Variants in WDR41 observed in about 807,000 individuals in gnomAD.
WDR41 encodes the protein WD repeat-containing protein 41.
A neutral mutation model predicts 69.3 loss-of-function variants in WDR41; 63 were observed. The ratio of observed to expected loss-of-function variants is 0.91; its 90% CI spans 0.74 to 1.12. WDR41 has a LOEUF of 1.12. Among genes scored for constraint, WDR41 ranks in the 50% most tolerant of loss-of-function variants. The pLI, the probability that WDR41 is intolerant of heterozygous loss-of-function variation, is 0.00. For missense variants in WDR41, 543 were observed against 534.5 expected (o/e 1.02, Z -0.16); for synonymous variants, 185 against 192.1 (o/e 0.96, Z 0.31).
intron 9 of WDR41, 121 bp downstream of exon 9, chr5:77,440,692 G>T: frequency 1.1e-6 from 1 of 922,916 alleles, no homozygotes; most frequent in Non-Finnish European, 1.6e-6. Context: ...CCATTTTAAA[G>T]CACAACCTGA....
At chr5:77,472,991 G>A (rs369623484) in intron 2 of WDR41, among the ~76,000 whole-genome samples, 3 of 152,294 alleles carry the variant, frequency 2.0e-5, no homozygotes, top group East Asian at 3.9e-4. Flanking sequence ...GAACCAAGCT[G>A]GAGGTATCAG....
intron 1 of WDR41, among the ~76,000 whole-genome samples, chr5:77,580,981 TAAAATA>T (rs1350147630): frequency 1.3e-5 from 2 of 150,978 alleles, no homozygotes; most frequent in Non-Finnish European, 3.0e-5. Flanking sequence ...AATAATAAAA[TAAAATA>T]AAAATAAAAA....
intron 2 of WDR41, chr5:77,480,190 C>A (rs1467920582): frequency 2.0e-5 from 3 of 152,230 alleles, no homozygotes; most frequent in East Asian, 3.9e-4. Flanking sequence ...GCTGGAGAGG[C>A]TGTGGGGAAA....
chr5:77,496,220 C>T (rs556931889), upstream of WDR41, among the ~76,000 whole-genome samples: 1 of 152,030 alleles, frequency 6.6e-6, no homozygotes, highest in Non-Finnish European at 1.5e-5. Context: ...AGAAAGATGT[C>T]CTCTTTGACC....
chr5:77,580,242 C>T (rs919133443), intron 1 of WDR41, among the ~76,000 whole-genome samples: 1 of 152,146 alleles, frequency 6.6e-6, no homozygotes, highest in Non-Finnish European at 1.5e-5. Context: ...TTAATTGACT[C>T]ACAGTTCAGT....
intron 7 of WDR41, among the ~76,000 whole-genome samples, chr5:77,450,352 G>T (rs1265691104): frequency 6.6e-6 from 1 of 152,036 alleles, no homozygotes; most frequent in East Asian, 1.9e-4. Context: ...CTGATTCCTA[G>T]GCATATACCA....
At chr5:77,512,355 A>G (rs7732779) in intron 1 of WDR41, among the ~76,000 whole-genome samples, 1 of 119,320 alleles carries the variant, frequency 8.4e-6, no homozygotes, top group African/African-American at 3.2e-5. Flanking sequence ...AGAGAGAGTG[A>G]GTGTGTGTGT....
intron 2 of WDR41, among the ~76,000 whole-genome samples, chr5:77,469,388 G>T (rs964387704): frequency 1.3e-5 from 2 of 152,172 alleles, no homozygotes; most frequent in African/African-American, 4.8e-5. Flanking sequence ...TGTCTCTCCT[G>T]TATAATTCTC....
At chr5:77,616,366 T>A (rs1744681199) in intron 1 of WDR41, among the ~76,000 whole-genome samples, 1 of 152,208 alleles carries the variant, frequency 6.6e-6, no homozygotes, top group African/African-American at 2.4e-5. Flanking sequence ...TCCATGCACA[T>A]CTGCATACAG....
At chr5:77,531,097 A>G (rs1033362443) in intron 1 of WDR41, among the ~76,000 whole-genome samples, 2 of 151,896 alleles carry the variant, frequency 1.3e-5, no homozygotes, top group African/African-American at 4.8e-5. Context: ...CAGATTTAGC[A>G]ATGGATTTCT....
chr5:77,554,815 A>G (rs1743361928), intron 1 of WDR41, among the ~76,000 whole-genome samples: 1 of 152,100 alleles, frequency 6.6e-6, no homozygotes, highest in Non-Finnish European at 1.5e-5. Flanking sequence ...AAGAATCTAC[A>G]TAGCTGATAA....
At chr5:77,471,398 C>A (rs1231036401) in intron 2 of WDR41, among the ~76,000 whole-genome samples, 2 of 152,160 alleles carry the variant, frequency 1.3e-5, no homozygotes, top group Middle Eastern at 3.4e-3. Context: ...CATTCGAAAG[C>A]CAGCAGAAGG....
chr5:77,442,204 A>C (rs1799192253), intron 8 of WDR41, among the ~76,000 whole-genome samples: 1 of 152,244 alleles, frequency 6.6e-6, no homozygotes. Flanking sequence ...ATCCTGAAGG[A>C]AATACATAAA....
chr5:77,492,449 G>T (rs1051235240), upstream of WDR41: 13 of 475,628 alleles, frequency 2.7e-5, no homozygotes, highest in African/African-American at 2.6e-4. Context: ...GTCGCTTGGG[G>T]TGCGGCGGCC....
At position 77,500,447 on chromosome 5, in the gene WDR41, G is replaced by GA. The variant is rs1175966996; in HGVS notation, c.43-10876dup. On this transcript the variant is annotated intron_variant, in intron 1 of 5. Transcript: ENST00000509971. ...ATAAGCCACTAGCAAGACTGACAAA[G>GA]AAAAAAAATAAAAGATAAAAATTAG... Among the ~76,000 whole-genome samples, 6 of 151,128 alleles carry GA rather than the reference G, an allele frequency of 4.0e-5. No individual in the cohort carries two copies. In the East Asian group the frequency reaches 5.8e-4, roughly 15 times the overall value.
chr5:77,516,673 T>C (rs926628078), intron 1 of WDR41, among the ~76,000 whole-genome samples: 12 of 152,096 alleles, frequency 7.9e-5, no homozygotes, highest in African/African-American at 2.4e-4. Flanking sequence ...AACAGCAGAA[T>C]TGATGAAGGG....
At chr5:77,493,084 T>C (rs1417905200), upstream of WDR41, among the ~76,000 whole-genome samples, 1 of 152,180 alleles carries the variant, frequency 6.6e-6, no homozygotes, top group Non-Finnish European at 1.5e-5. Flanking sequence ...CAGAATTACC[T>C]GGGTAGCTTT....
intron 1 of WDR41, among the ~76,000 whole-genome samples, chr5:77,543,984 G>A (rs1743143670): frequency 6.6e-6 from 1 of 152,064 alleles, no homozygotes; most frequent in South Asian, 2.1e-4. Flanking sequence ...AAGCTAGAAG[G>A]GCCTAGGGCC....
At chr5:77,544,179 C>G (rs957695663) in intron 1 of WDR41, among the ~76,000 whole-genome samples, 1 of 152,024 alleles carries the variant, frequency 6.6e-6, no homozygotes, top group African/African-American at 2.4e-5. Context: ...CCTGGAAACA[C>G]ATCAAAACAG....
Sources: gnomAD v4.1 joint callset for allele counts (sites outside exome capture counted in the v4.1 genomes callset) on GRCh38, gnomAD v4.1.1 for gene constraint, MANE v1.5 for transcripts, NCBI Gene and HGNC (gene_info 2026-07-23, HGNC 2026-07-21) for gene names.